Variants in ADAMTS17 observed in about 807,000 individuals in gnomAD.
The protein encoded by ADAMTS17 is A disintegrin and metalloproteinase with thrombospondin motifs 17.
Under a neutral mutation model 141.5 loss-of-function variants are expected in ADAMTS17, and 113 were observed. That is an observed-to-expected ratio of 0.80 (90% CI 0.69 to 0.93). The LOEUF (loss-of-function observed/expected upper bound fraction) is 0.93, where lower values mean the gene tolerates loss of function less well. ADAMTS17 is among the 40% of genes least tolerant of loss of function. ADAMTS17 has a pLI of 0.00. For missense variants in ADAMTS17, 1,659 were observed against 1,517.9 expected (o/e 1.09, Z -1.54); for synonymous variants, 768 against 630.6 (o/e 1.22, Z -3.27).
In ADAMTS17 at chr15:99,971,575, T is replaced by A. The variant is rs2060204122; in HGVS notation, c.*2827A>T. ...TCCTTTCAAAACCAGCCCCAAAAAG[T>A]AAAACAAAAATTCCATGGGTACAGT... On this transcript the variant is annotated 3_prime_UTR_variant, in exon 22 of 22. Coordinates refer to ENST00000268070, the MANE Select transcript of ADAMTS17 (RefSeq NM_139057.4). The A allele has an allele frequency of 6.6e-6, 1 of 152,060 alleles. No individual in the cohort carries two copies. The allele number at this position is 152,060 out of a possible 1,614,324, so 9.4% of individuals were successfully genotyped here. A position where few individuals can be genotyped will look rare whatever the true frequency, so the allele number is the denominator to read the frequency against.
intron 18 of ADAMTS17, among the ~76,000 whole-genome samples, chr15:100,009,132 G>C (rs549784067): frequency 1.3e-5 from 2 of 152,172 alleles, no homozygotes; most frequent in African/African-American, 2.4e-5. Flanking sequence ...GAGCCACTGC[G>C]CCTGGCATAC....
chr15:100,000,181 G>T (rs2060891467), intron 18 of ADAMTS17, among the ~76,000 whole-genome samples: 1 of 152,198 alleles, frequency 6.6e-6, no homozygotes, highest in African/African-American at 2.4e-5. Flanking sequence ...GGGTGGCCAT[G>T]AGCCTCCCAT....
At chr15:100,117,570 G>T (rs879366044) in intron 12 of ADAMTS17, among the ~76,000 whole-genome samples, 9 of 152,202 alleles carry the variant, frequency 5.9e-5, no homozygotes, top group Non-Finnish European at 1.3e-4. Context: ...GGGCAGGTGT[G>T]AGACCACACA....
chr15:100,311,215 C>T, intron 3 of ADAMTS17, among the ~76,000 whole-genome samples: 1 of 152,228 alleles, frequency 6.6e-6, no homozygotes, highest in South Asian at 2.1e-4. Flanking sequence ...CGGCTCTCTC[C>T]CTTGGAGGGA....
chr15:100,003,182 C>T (rs2060964969), intron 18 of ADAMTS17, among the ~76,000 whole-genome samples: 5 of 152,112 alleles, frequency 3.3e-5, no homozygotes, highest in Admixed American at 3.3e-4. Flanking sequence ...CAAATGCACT[C>T]ACGACCATGG....
At chr15:100,298,704 CAGG>C (rs1453092671) in intron 3 of ADAMTS17, among the ~76,000 whole-genome samples, 1 of 152,172 alleles carries the variant, frequency 6.6e-6, no homozygotes, top group Non-Finnish European at 1.5e-5. Context: ...CAGCATCATG[CAGG>C]AGAAGCTGAG....
intron 3 of ADAMTS17, among the ~76,000 whole-genome samples, chr15:100,294,975 G>T (rs1489687240): frequency 6.6e-6 from 1 of 152,152 alleles, no homozygotes; most frequent in Non-Finnish European, 1.5e-5. Context: ...GGCTTTCTGT[G>T]TATCAGCCTT....
At chr15:100,311,025 T>C (rs1157800795) in intron 3 of ADAMTS17, among the ~76,000 whole-genome samples, 1 of 152,178 alleles carries the variant, frequency 6.6e-6, no homozygotes, top group African/African-American at 2.4e-5. Flanking sequence ...GGCTTTTCCA[T>C]GAGAAATTCA....
At chr15:100,020,596 C>T (rs986365723) in intron 18 of ADAMTS17, among the ~76,000 whole-genome samples, 2 of 152,316 alleles carry the variant, frequency 1.3e-5, no homozygotes, top group African/African-American at 4.8e-5. Context: ...GGTGACCCTC[C>T]GTGGGTCTAT....
chr15:100,311,161 G>A (rs762201373), intron 3 of ADAMTS17, among the ~76,000 whole-genome samples: 4 of 152,236 alleles, frequency 2.6e-5, no homozygotes, highest in Non-Finnish European at 4.4e-5. Flanking sequence ...GAGGCCTCCT[G>A]CCGGGAGGGA....
chr15:100,192,975 G>A (rs141152877), intron 8 of ADAMTS17, among the ~76,000 whole-genome samples: 8 of 152,264 alleles, frequency 5.3e-5, no homozygotes, highest in South Asian at 2.1e-4. Context: ...AGGCAAGCAC[G>A]TGCCTAGTCA....
chr15:100,088,645 T>C (rs950417020), intron 15 of ADAMTS17, among the ~76,000 whole-genome samples: 7 of 150,660 alleles, frequency 4.6e-5, no homozygotes, highest in East Asian at 1.9e-4. Flanking sequence ...AACAGAGATA[T>C]AGACCAATGG....
intron 3 of ADAMTS17, among the ~76,000 whole-genome samples, chr15:100,311,736 T>C (rs796448730): frequency 2.6e-5 from 4 of 152,330 alleles, no homozygotes; most frequent in African/African-American, 9.6e-5. Context: ...TTAGCTTTTC[T>C]TTCTTAATCA....
At chr15:100,169,276 G>A (rs138125291) in intron 8 of ADAMTS17, among the ~76,000 whole-genome samples, 59 of 152,304 alleles carry the variant, frequency 3.9e-4, no homozygotes, top group African/African-American at 1.3e-3. Context: ...TGTGCACATG[G>A]AACATGCCCC....
chr15:100,000,306 T>C (rs752052657), intron 18 of ADAMTS17, among the ~76,000 whole-genome samples: 3 of 152,212 alleles, frequency 2.0e-5, no homozygotes, highest in Non-Finnish European at 2.9e-5. Flanking sequence ...TTCTTAAATA[T>C]GTGAAGACAG....
At chr15:100,133,063 T>C in intron 11 of ADAMTS17, 151 bp downstream of exon 11, 1 of 651,584 alleles carries the variant, frequency 1.5e-6, no homozygotes, top group East Asian at 2.7e-5. Context: ...CACCACTCTG[T>C]GCCCGGAGTG....
At chr15:100,111,013 G>A (rs2036743200) in intron 13 of ADAMTS17, among the ~76,000 whole-genome samples, 1 of 152,318 alleles carries the variant, frequency 6.6e-6, no homozygotes, top group Non-Finnish European at 1.5e-5. Flanking sequence ...GAAGCTCCAG[G>A]AGTGTGCTGG....
intron 7 of ADAMTS17, among the ~76,000 whole-genome samples, chr15:100,201,927 C>G (rs2035348): frequency 6.6e-6 from 1 of 152,104 alleles, no homozygotes; most frequent in African/African-American, 2.4e-5. Flanking sequence ...ACGCGGCCCA[C>G]GTGGGTGCAC....
rs57375185 is a variant in ADAMTS17 at position 100,200,549 on chromosome 15, G to A, written c.1076-1126C>T. On this transcript the variant is annotated intron_variant, in intron 7 of 21. Coordinates refer to ENST00000268070, the MANE Select transcript of ADAMTS17 (RefSeq NM_139057.4). ...TAGGAAACCTGACATCCGCCCTCCC[G>A]TGGGCGTTTAACCCCGAAGGCAGTT... Among the ~76,000 whole-genome samples, 557 of 152,256 alleles carry A rather than the reference G, an allele frequency of 3.7e-3. 3 individuals are homozygous for A. Among genetic ancestry groups the A allele is most frequent in the African/African-American group, 0.013 (531 of 41,546 alleles).
Sources: allele counts gnomAD v4.1 joint callset (sites outside exome capture counted in the v4.1 genomes callset), GRCh38; gene constraint gnomAD v4.1.1; transcripts MANE v1.5; gene names NCBI Gene and HGNC (gene_info 2026-07-23, HGNC 2026-07-21).